Variants in RIPOR2 observed in about 807,000 individuals in gnomAD.
RIPOR2 encodes RHO family interacting cell polarization regulator 2, also known as rho family-interacting cell polarization regulator 2.
In RIPOR2, 39 loss-of-function variants were observed where a neutral mutation model predicts 114.5. The ratio of observed to expected loss-of-function variants is 0.34; its 90% CI spans 0.26 to 0.44. The LOEUF is 0.44. Ranked by LOEUF, RIPOR2 falls within the 20% of genes least tolerant of loss-of-function variation. RIPOR2 has a pLI of 1.00. For missense variants in RIPOR2, 1,007 were observed against 1,255.1 expected (o/e 0.80, Z 2.99); for synonymous variants, 445 against 484.4 (o/e 0.92, Z 1.07).
chr6:24,842,874 A>C lies in RIPOR2; in HGVS notation c.1845T>G (p.Asp615Glu), dbSNP rs776168680. The part of the protein sequence containing the change: ...QDLNQEVMNL[D>E]DILKCKPAVS... ...AAAAGGTACTTACTTTTAGAATATC[A>C]TCCAAATTCATGACTTCTTGGTTCA... The change falls in exon 13 of 22, where the codon GAT becomes GAG. Residue 615 changes from aspartate (D) to glutamate (E), a missense_variant. Asp to Glu is a conservative substitution (Grantham distance 45). Coordinates refer to ENST00000643898, the MANE Select transcript of RIPOR2 (RefSeq NM_001286445.3). 1 of 1,444,034 alleles carries C rather than the reference A, an allele frequency of 6.9e-7. No individual in the cohort carries two copies. Among genetic ancestry groups the C allele is most frequent in the Admixed American group, 2.5e-5 (1 of 39,434 alleles). 89.5% of individuals were successfully genotyped at this position (1,444,034 alleles called of 1,614,324 possible). A position where few individuals can be genotyped will look rare whatever the true frequency, so the allele number is the denominator to read the frequency against.
At chr6:24,847,440 C>CAAGA in intron 12 of RIPOR2, 1 of 1,226,650 alleles carries the variant, frequency 8.2e-7, no homozygotes, top group Non-Finnish European at 1.1e-6. Flanking sequence ...GTAACCATAC[C>CAAGA]CAGTGAGCAA....
intron 5 of RIPOR2, among the ~76,000 whole-genome samples, chr6:24,870,408 A>G (rs1011157568): frequency 6.6e-6 from 1 of 152,222 alleles, no homozygotes; most frequent in Non-Finnish European, 1.5e-5. Context: ...TCCTCATCAG[A>G]CAAAAGTATG....
intron 7 of RIPOR2, among the ~76,000 whole-genome samples, chr6:24,864,762 A>G (rs1764412693): frequency 6.6e-6 from 1 of 152,092 alleles, no homozygotes; most frequent in African/African-American, 2.4e-5. Context: ...CCTTTATGAT[A>G]AAAATTTCTC....
chr6:25,004,496 G>A (rs560807803), intron 1 of RIPOR2, among the ~76,000 whole-genome samples: 37 of 152,168 alleles, frequency 2.4e-4, no homozygotes, highest in South Asian at 8.3e-4. Context: ...CCACCTTGTC[G>A]CCTCCTCTCC....
Position 24,872,922 on chromosome 6 carries a change from A to G in RIPOR2, c.382T>C (p.Leu128=). The change falls in exon 4 of 22, where the codon TTG becomes CTG. Residue 128 remains leucine (L), a synonymous_variant. Coordinates refer to ENST00000643898, the MANE Select transcript of RIPOR2 (RefSeq NM_001286445.3). ...TTCATATCTTTTAACTGAGCTGTCA[A>G]CTTGTCCAGCTCCGTCTGGTGAACC... ...LEVHQTELDK[L]TAQLKDMKRN... 1 of 1,612,792 alleles carries G rather than the reference A, an allele frequency of 6.2e-7. No homozygotes were observed. Among genetic ancestry groups the G allele is most frequent in the Non-Finnish European group, 8.5e-7 (1 of 1,179,038 alleles).
intron 1 of RIPOR2, among the ~76,000 whole-genome samples, chr6:24,922,434 T>A (rs1181715015): frequency 3.9e-5 from 6 of 152,202 alleles, no homozygotes; most frequent in Non-Finnish European, 8.8e-5. Flanking sequence ...CTTCTATCTT[T>A]TGTGGAAATT....
At chr6:25,031,716 TATATATA>T in intron 1 of RIPOR2, among the ~76,000 whole-genome samples, 1 of 86,546 alleles carries the variant, frequency 1.2e-5, no homozygotes, top group Middle Eastern at 4.9e-3. Context: ...TATATATATA[TATATATA>T]TATATATATA....
intron 1 of RIPOR2, among the ~76,000 whole-genome samples, chr6:24,911,646 T>C (rs2114070473): frequency 6.6e-6 from 1 of 152,192 alleles, no homozygotes; most frequent in East Asian, 1.9e-4. Context: ...TTCTGGTGGA[T>C]TTGAATGATA....
At chr6:24,875,657 G>A (rs1017704380) in intron 2 of RIPOR2, 34 bp downstream of exon 2, 5 of 1,595,156 alleles carry the variant, frequency 3.1e-6, no homozygotes, top group Non-Finnish European at 2.6e-6. Context: ...TCCTTGGCAA[G>A]CTGCATCCCG....
intron 1 of RIPOR2, among the ~76,000 whole-genome samples, chr6:24,997,064 G>A (rs921982433): frequency 1.3e-5 from 2 of 152,204 alleles, no homozygotes; most frequent in East Asian, 1.9e-4. Context: ...ACTAACTAGC[G>A]AGGATGGAGT....
At chr6:24,939,918 C>T (rs1289384342), upstream of RIPOR2, among the ~76,000 whole-genome samples, 2 of 152,198 alleles carry the variant, frequency 1.3e-5, no homozygotes, top group African/African-American at 4.8e-5. Flanking sequence ...AGCTTTTATA[C>T]TCCAAAGAGT....
intron 20 of RIPOR2, among the ~76,000 whole-genome samples, chr6:24,811,059 C>T (rs1029931314): frequency 6.6e-6 from 1 of 152,082 alleles, no homozygotes; most frequent in Non-Finnish European, 1.5e-5. Flanking sequence ...CCGGCCTCAG[C>T]CTCCCAAAGT....
At chr6:24,862,282 T>C (rs1483007434) in intron 7 of RIPOR2, among the ~76,000 whole-genome samples, 1 of 152,254 alleles carries the variant, frequency 6.6e-6, no homozygotes, top group Non-Finnish European at 1.5e-5. Context: ...TGAAGCTTGA[T>C]GCAGGGTGAT....
chr6:24,855,448 G>C (rs1763372949), intron 8 of RIPOR2, among the ~76,000 whole-genome samples: 1 of 152,016 alleles, frequency 6.6e-6, no homozygotes, highest in Non-Finnish European at 1.5e-5. Context: ...AGAGATTGAA[G>C]AAGACACGAA....
intron 4 of RIPOR2, 49 bp from the exon 5 acceptor site, chr6:24,870,938 G>A (rs748920031): frequency 2.3e-6 from 3 of 1,280,680 alleles, no homozygotes; most frequent in East Asian, 2.5e-5. Flanking sequence ...CCTTCAAAAG[G>A]TTACCCATCT....
chr6:24,986,501 G>T (rs758301863), intron 1 of RIPOR2, among the ~76,000 whole-genome samples: 15 of 152,018 alleles, frequency 9.9e-5, no homozygotes, highest in Non-Finnish European at 2.1e-4. Context: ...CAGGTTATTT[G>T]ATGCTAATAA....
At chr6:25,006,770 A>C (rs1367985432) in intron 1 of RIPOR2, among the ~76,000 whole-genome samples, 1 of 152,236 alleles carries the variant, frequency 6.6e-6, no homozygotes, top group East Asian at 1.9e-4. Flanking sequence ...AGGAAGTAAG[A>C]CTGAGCTGCC....
At chr6:24,807,839 TGTC>T (rs1780874880) in intron 21 of RIPOR2, among the ~76,000 whole-genome samples, 1 of 152,202 alleles carries the variant, frequency 6.6e-6, no homozygotes, top group Non-Finnish European at 1.5e-5. Context: ...TTCTGCCCTT[TGTC>T]ATAGGGCATT....
intron 1 of RIPOR2, chr6:24,931,889 C>T (rs1771418886): frequency 6.6e-6 from 1 of 152,222 alleles, no homozygotes; most frequent in South Asian, 2.1e-4. Flanking sequence ...CTAAAATACT[C>T]ACTGACCACC....
Sources: gnomAD v4.1 joint callset for allele counts (sites outside exome capture counted in the v4.1 genomes callset) on GRCh38, gnomAD v4.1.1 for gene constraint, MANE v1.5 for transcripts, NCBI Gene and HGNC (gene_info 2026-07-23, HGNC 2026-07-21) for gene names.